The following XIRP2 variants were observed in gnomAD, a reference collection of about 807,000 sequenced individuals.
XIRP2 encodes xin actin binding repeat containing 2.
XIRP2 carries 236 observed loss-of-function variants against 277.0 expected under a neutral mutation model. That is an observed-to-expected ratio of 0.85 (90% confidence interval 0.77 to 0.95). XIRP2 has a LOEUF of 0.95. Ranked by LOEUF, XIRP2 falls within the 40% of genes least tolerant of loss-of-function variation. The pLI is 0.00. For synonymous variants in XIRP2, 1,490 were observed against 1,416.5 expected (o/e 1.05, Z -1.17); for missense variants, 4,640 against 4,157.5 (o/e 1.12, Z -3.19).
chr2:167,048,845 C>G (rs1400894152), intron 2 of XIRP2, among the ~76,000 whole-genome samples: 1 of 151,862 alleles, frequency 6.6e-6, no homozygotes, highest in African/African-American at 2.4e-5. Context: ...GATGCAAAAA[C>G]TGAAAAAGGG....
intron 2 of XIRP2, among the ~76,000 whole-genome samples, chr2:166,939,697 A>C (rs1298369607): frequency 7.4e-6 from 1 of 135,664 alleles, no homozygotes; most frequent in African/African-American, 2.7e-5. Flanking sequence ...AAAAAAAAAA[A>C]ACAAAAAACA....
At position 167,244,167 on chromosome 2, in the gene XIRP2, A is replaced by G. The variant is rs747144670; in HGVS notation, c.2775A>G (p.Arg925=). ...IFETQPLEDI[R]KDKKEYTRTV... ...AAACCCAACCTCTGGAAGACATTAGAAAAGATAAAAAGGAGTACACACGAA... is the reference window on the plus strand; with the variant it reads ...AAACCCAACCTCTGGAAGACATTAGGAAAGATAAAAAGGAGTACACACGAA... The change falls in exon 9 of 11, where the codon AGA becomes AGG. Residue 925 remains arginine (R), a synonymous_variant. Coordinates refer to ENST00000409195, the MANE Select transcript of XIRP2 (RefSeq NM_152381.6). The G allele has an allele frequency of 4.7e-5, 76 of 1,613,854 alleles. No homozygotes were observed. The highest frequency in any genetic ancestry group is 5.8e-5 in the Non-Finnish European group (69 of 1,179,868).
At chr2:166,996,958 T>C (rs1558941279) in intron 2 of XIRP2, among the ~76,000 whole-genome samples, 1 of 152,294 alleles carries the variant, frequency 6.6e-6, no homozygotes. Flanking sequence ...CTAGATAACA[T>C]TTACACCTTA....
At chr2:167,175,531 G>T (rs1421749167) in intron 3 of XIRP2, among the ~76,000 whole-genome samples, 3 of 152,134 alleles carry the variant, frequency 2.0e-5, no homozygotes, top group Non-Finnish European at 4.4e-5. Context: ...AGGGGCACCT[G>T]CCAGATGCCA....
intron 2 of XIRP2, among the ~76,000 whole-genome samples, chr2:167,032,327 AC>A (rs1164388332): frequency 6.6e-6 from 1 of 152,192 alleles, no homozygotes; most frequent in African/African-American, 2.4e-5. Context: ...TAAACATAAG[AC>A]CTAAAACCAT....
chr2:167,094,067 G>A (rs1481374785), intron 2 of XIRP2, among the ~76,000 whole-genome samples: 1 of 151,664 alleles, frequency 6.6e-6, no homozygotes, highest in Non-Finnish European at 1.5e-5. Context: ...CTAATGATCA[G>A]TGATGATGAG....
At chr2:167,212,302 AC>A (rs1195700935) in intron 4 of XIRP2, among the ~76,000 whole-genome samples, 1 of 152,180 alleles carries the variant, frequency 6.6e-6, no homozygotes, top group East Asian at 1.9e-4. Flanking sequence ...GAAATGATTC[AC>A]GAGGAAACAG....
chr2:167,129,388 T>C (rs1691307352), intron 2 of XIRP2, among the ~76,000 whole-genome samples: 1 of 152,120 alleles, frequency 6.6e-6, no homozygotes, highest in African/African-American at 2.4e-5. Flanking sequence ...GGAAAATATA[T>C]AAAGCAGTAG....
chr2:167,257,771 T>C lies in XIRP2; in HGVS notation c.*40-86T>C, dbSNP rs554131276. The C allele has an allele frequency of 2.3e-5, 31 of 1,376,408 alleles. 1 individual carries two copies. The South Asian group carries it at 3.2e-4, about 14-fold the overall frequency. The allele number at this position is 1,376,408 out of a possible 1,614,324, so 85.3% of individuals were successfully genotyped here. Reference sequence around the variant, plus strand: ...TGCTAGTAACTTAAGTTTACTAGTCTGTAACTCATTGAAATAATTAATCCC... The same window carrying C: ...TGCTAGTAACTTAAGTTTACTAGTCCGTAACTCATTGAAATAATTAATCCC... On this transcript the variant is annotated intron_variant, in intron 10 of 10. Transcript: ENST00000409195.
intron 2 of XIRP2, among the ~76,000 whole-genome samples, chr2:167,063,316 G>C (rs1689217745): frequency 6.6e-6 from 1 of 151,892 alleles, no homozygotes; most frequent in Non-Finnish European, 1.5e-5. Flanking sequence ...CTTGTTTTAT[G>C]ACCCAGAATA....
At chr2:167,178,118 A>G (rs1692903566) in intron 3 of XIRP2, among the ~76,000 whole-genome samples, 1 of 151,994 alleles carries the variant, frequency 6.6e-6, no homozygotes, top group South Asian at 2.1e-4. Flanking sequence ...TTTCATATAT[A>G]TACATGTTAT....
At chr2:167,052,689 A>G (rs1688944537) in intron 2 of XIRP2, among the ~76,000 whole-genome samples, 1 of 152,188 alleles carries the variant, frequency 6.6e-6, no homozygotes, top group South Asian at 2.1e-4. Context: ...GAAGGCACAT[A>G]CACAAGTATA....
intron 4 of XIRP2, among the ~76,000 whole-genome samples, chr2:167,215,737 G>T (rs7573953): frequency 0.16 from 23,818 of 151,904 alleles, 2,313 homozygotes; most frequent in African/African-American, 0.28. Context: ...AGAATCTTCC[G>T]GGAGGAGGGA....
chr2:166,911,575 T>C (rs181389105), intron 2 of XIRP2, among the ~76,000 whole-genome samples: 95 of 152,322 alleles, frequency 6.2e-4, no homozygotes, highest in Non-Finnish European at 1.2e-3. Flanking sequence ...TTTTCCAGTC[T>C]GTGTCTTTTA....
chr2:166,984,469 G>A (rs9808032), intron 2 of XIRP2, among the ~76,000 whole-genome samples: 64,853 of 151,820 alleles, frequency 0.43, 15,329 homozygotes, highest in African/African-American at 0.6. Flanking sequence ...TAATTTTTGG[G>A]TATTTAAAAA....
chr2:166,975,499 A>G (rs530780338), intron 2 of XIRP2, among the ~76,000 whole-genome samples: 23 of 152,292 alleles, frequency 1.5e-4, no homozygotes, highest in African/African-American at 5.3e-4. Context: ...AAAGAAAAGA[A>G]AAGAAAAGAA....
chr2:166,950,248 G>A (rs773425487), intron 2 of XIRP2, among the ~76,000 whole-genome samples: 2 of 152,030 alleles, frequency 1.3e-5, no homozygotes, highest in Admixed American at 6.6e-5. Flanking sequence ...AGCAACTGAA[G>A]TGCCCTCCCT....
intron 7 of XIRP2, 85 bp from the exon 8 acceptor site, chr2:167,241,692 G>A: frequency 2.1e-6 from 3 of 1,447,242 alleles, no homozygotes; most frequent in Non-Finnish European, 1.9e-6. Context: ...TTACAGGAAT[G>A]AGCCACCATG....
At chr2:167,023,589 G>T (rs1200135354) in intron 2 of XIRP2, among the ~76,000 whole-genome samples, 2 of 152,164 alleles carry the variant, frequency 1.3e-5, no homozygotes, top group Non-Finnish European at 1.5e-5. Flanking sequence ...ATGGTTTTAG[G>T]TCAAACATGT....
Sources: allele counts gnomAD v4.1 joint callset (sites outside exome capture counted in the v4.1 genomes callset), GRCh38; gene constraint gnomAD v4.1.1; transcripts MANE v1.5; gene names NCBI Gene and HGNC (gene_info 2026-07-23, HGNC 2026-07-21).